The following ESRRG variants were observed in gnomAD, a reference collection of about 807,000 sequenced individuals.
The protein encoded by ESRRG is estrogen-related receptor gamma.
Under a neutral mutation model 44.0 loss-of-function variants are expected in ESRRG, and 13 were observed. The ratio of observed to expected loss-of-function variants is 0.30; its 90% CI spans 0.19 to 0.47. ESRRG has a LOEUF of 0.47. ESRRG is among the 20% of genes least tolerant of loss of function. ESRRG has a pLI of 1.00. For synonymous variants in ESRRG, 215 were observed against 214.6 expected (o/e 1.00, Z -0.02); for missense variants, 395 against 580.6 (o/e 0.68, Z 3.29).
At chr1:216,570,582 A>G (rs1405162912) in intron 3 of ESRRG, among the ~76,000 whole-genome samples, 1 of 152,138 alleles carries the variant, frequency 6.6e-6, no homozygotes, top group East Asian at 1.9e-4. Context: ...CTCTTTCATT[A>G]TAAGAATTTT....
At chr1:216,965,171 T>TC (rs2070023783) in intron 1 of ESRRG, among the ~76,000 whole-genome samples, 1 of 151,524 alleles carries the variant, frequency 6.6e-6, no homozygotes, top group Non-Finnish European at 1.5e-5. Context: ...TTTTTTTTTT[T>TC]CCTACTTCTT....
intron 2 of ESRRG, among the ~76,000 whole-genome samples, chr1:216,897,182 G>A (rs1017641455): frequency 6.6e-6 from 1 of 152,200 alleles, no homozygotes; most frequent in Non-Finnish European, 1.5e-5. Context: ...ATGTACAAAT[G>A]AGAAGGACCC....
intron 3 of ESRRG, among the ~76,000 whole-genome samples, chr1:216,599,639 A>G (rs1040015008): frequency 6.6e-6 from 1 of 152,206 alleles, no homozygotes; most frequent in Non-Finnish European, 1.5e-5. Flanking sequence ...GATTTCATCT[A>G]AATGAATCAA....
At chr1:216,861,640 T>A (rs2096056641) in intron 2 of ESRRG, among the ~76,000 whole-genome samples, 1 of 152,122 alleles carries the variant, frequency 6.6e-6, no homozygotes, top group South Asian at 2.1e-4. Flanking sequence ...ATAGTCAAAA[T>A]TTTTTTCTTT....
At chr1:216,693,546 A>G (rs1209934620) in intron 1 of ESRRG, among the ~76,000 whole-genome samples, 1 of 152,224 alleles carries the variant, frequency 6.6e-6, no homozygotes, top group African/African-American at 2.4e-5. Context: ...AAATTGATGT[A>G]GTATTTGAAT....
In ESRRG at chr1:216,775,551, CTTTTTTTTTTTTTTTTTTTTTTTTTTT is replaced by C. The variant is rs71163765; in HGVS notation, c.-13-98087_-13-98061del. On this transcript the variant is annotated intron_variant, in intron 2 of 7. Coordinates refer to the ESRRG transcript ENST00000359162. ...TTCCCACCTAAATAAAATGTCACATCTTTTTTTTTTTTTTTTTTTTTTTTTTTTTTTTTTTTTTTTTAGACAGCGTCT... is the reference window on the plus strand; with the variant it reads ...TTCCCACCTAAATAAAATGTCACATCTTTTTTTTTTTTTTAGACAGCGTCT... Among the ~76,000 whole-genome samples the C allele has an allele frequency of 9.8e-4, 73 of 74,834 alleles. 2 individuals are homozygous for C. In the East Asian group the frequency reaches 0.025, roughly 26 times the overall value. 49.1% of individuals were successfully genotyped at this position (74,834 alleles called of 152,430 possible).
At chr1:216,985,962 T>C (rs2074795056) in intron 1 of ESRRG, 1 of 152,198 alleles carries the variant, frequency 6.6e-6, no homozygotes, top group Admixed American at 6.5e-5. Flanking sequence ...TCTAAAACCA[T>C]GATATGGGCA....
At chr1:216,545,854 T>C (rs540791452) in intron 5 of ESRRG, among the ~76,000 whole-genome samples, 397 of 152,202 alleles carry the variant, frequency 2.6e-3, no homozygotes, top group African/African-American at 9.3e-3. Context: ...AGATAAAATG[T>C]ACTGCTCGGT....
intron 5 of ESRRG, among the ~76,000 whole-genome samples, chr1:216,558,158 T>A (rs1378008776): frequency 2.0e-5 from 3 of 152,176 alleles, no homozygotes; most frequent in African/African-American, 7.2e-5. Context: ...ACCTAGCTAC[T>A]TCTCTGTTGG....
At chr1:216,708,912 G>T (rs1244976202) in intron 1 of ESRRG, among the ~76,000 whole-genome samples, 2 of 152,162 alleles carry the variant, frequency 1.3e-5, no homozygotes, top group Non-Finnish European at 2.9e-5. Flanking sequence ...CACATCCTTT[G>T]CAGGAACGTG....
At chr1:216,532,393 G>A (rs1164716253) in intron 5 of ESRRG, among the ~76,000 whole-genome samples, 2 of 152,132 alleles carry the variant, frequency 1.3e-5, no homozygotes, top group Non-Finnish European at 2.9e-5. Context: ...CCGCTAAACA[G>A]AGCTGCACAG....
intron 2 of ESRRG, among the ~76,000 whole-genome samples, chr1:216,846,278 C>T (rs1248373787): frequency 1.3e-5 from 2 of 152,096 alleles, no homozygotes; most frequent in African/African-American, 4.8e-5. Flanking sequence ...GAGCGTATTT[C>T]ACTATAGGGA....
At chr1:217,135,161 C>T (rs1241959206) in intron 1 of ESRRG, among the ~76,000 whole-genome samples, 2 of 152,234 alleles carry the variant, frequency 1.3e-5, no homozygotes, top group Non-Finnish European at 2.9e-5. Context: ...GGAAAGGTCT[C>T]CATCTGGACG....
intron 5 of ESRRG, among the ~76,000 whole-genome samples, chr1:216,553,717 C>T (rs574808518): frequency 6.6e-6 from 1 of 152,120 alleles, no homozygotes; most frequent in Non-Finnish European, 1.5e-5. Flanking sequence ...TAATATTTTA[C>T]TGCACCATAA....
In ESRRG at chr1:216,568,009, C is replaced by G; in HGVS notation, c.679G>C (p.Val227Leu). The G allele has an allele frequency of 1.2e-6, 2 of 1,613,284 alleles. No individual in the cohort carries two copies. Among genetic ancestry groups the G allele is most frequent in the Non-Finnish European group, 1.7e-6 (2 of 1,179,328 alleles). Residue 227 changes from valine to leucine, a missense_variant, in exon 4 of 7, where the codon GTT (valine) becomes CTT (leucine). This residue lies in a region of ESRRG where 37 missense variants were observed against 32.9 expected (regional missense o/e 1.13). Coordinates refer to ENST00000408911, the MANE Select transcript of ESRRG (RefSeq NM_001438.4). Reference sequence around the variant, plus strand: ...TTACATGGCTTTTTGGCTGGCTGAACCAGCTGAGGGTTCAGGTATGGGCTG... The same window carrying G: ...TTACATGGCTTTTTGGCTGGCTGAAGCAGCTGAGGGTTCAGGTATGGGCTG... ...ENSPYLNPQL[V>L]QPAKKPYNKI...
intron 1 of ESRRG, among the ~76,000 whole-genome samples, chr1:217,098,449 G>T (rs1182799366): frequency 6.6e-6 from 1 of 152,148 alleles, no homozygotes; most frequent in Non-Finnish European, 1.5e-5. Context: ...AGCTTAGCTT[G>T]CTCAGGGACA....
rs552044700 is a variant in ESRRG, at chr1:216,939,881, C to T, written c.-105-208G>A. On this transcript the variant is annotated intron_variant, in intron 1 of 7. Transcript: ENST00000359162. ...TACACTCAGGGCTGTATTAACACTC[C>T]AACGAAGGTACAGTCCTCATTTCTT... Among the ~76,000 whole-genome samples the T allele has an allele frequency of 1.1e-4, 17 of 152,222 alleles. 1 individual carries two copies. The South Asian group carries it at 2.9e-3, about 26-fold the overall frequency.
At chr1:216,957,297 T>G (rs1462467508) in intron 1 of ESRRG, among the ~76,000 whole-genome samples, 2 of 152,316 alleles carry the variant, frequency 1.3e-5, no homozygotes, top group East Asian at 1.9e-4. Context: ...ATACCATATA[T>G]GTACTTACAA....
rs141132282 is a variant in ESRRG at position 216,924,112 on chromosome 1, G to A, written c.-14+15470C>T. Among the ~76,000 whole-genome samples the A allele has an allele frequency of 1.1e-3, 170 of 152,210 alleles. 1 individual carries two copies. The highest frequency in any genetic ancestry group is 4.0e-3 in the African/African-American group (168 of 41,540). ...GAGCAAGTGGATCCAGAAATGAAGG[G>A]CAGGGGGAGCAGACAGAGGAAGAGG... is the stretch of plus-strand genomic sequence containing the variant. On this transcript the variant is annotated intron_variant, in intron 2 of 7. Transcript: ENST00000359162.
Sources: allele counts gnomAD v4.1 joint callset (sites outside exome capture counted in the v4.1 genomes callset), GRCh38; gene constraint gnomAD v4.1.1; regional missense constraint gnomAD v4.1.1; transcripts MANE v1.5; gene names NCBI Gene and HGNC (gene_info 2026-07-23, HGNC 2026-07-21).